LINGO2: variants seen among roughly 807,000 people sequenced by gnomAD.
LINGO2 encodes the protein leucine-rich repeat and immunoglobulin-like domain-containing nogo receptor-interacting protein 2.
LINGO2 carries 14 observed loss-of-function variants against 30.6 expected under a neutral mutation model. That is an observed-to-expected ratio of 0.46 (90% CI 0.30 to 0.72). LINGO2 has a LOEUF of 0.72. Among genes scored for constraint, LINGO2 ranks in the 30% least tolerant of loss-of-function variants. The probability of loss-of-function intolerance (pLI) is 0.07; values close to 1 mark genes in which losing one functional copy is unlikely to be tolerated. For synonymous variants in LINGO2, 317 were observed against 288.5 expected (o/e 1.10, Z -1.00); for missense variants, 729 against 751.7 (o/e 0.97, Z 0.35).
At chr9:28,850,883 T>C in the LINGO2 span, among the ~76,000 whole-genome samples, 2 of 152,120 alleles carry the variant, frequency 1.3e-5, no homozygotes, top group East Asian at 1.9e-4. Flanking sequence ...ACTTTGAACA[T>C]GTAGCATGTG....
In LINGO2 at chr9:28,147,038, T is replaced by C. The variant is rs1827834103; in HGVS notation, c.-86-134633A>G. 6.6e-6 allele frequency among the ~76,000 whole-genome samples: 1 copy of C among 152,214 alleles called. No homozygotes were observed. Among genetic ancestry groups the C allele is most frequent in the Non-Finnish European group, 1.5e-5 (1 of 68,044 alleles). On this transcript the variant is annotated intron_variant, in intron 4 of 5. Coordinates refer to ENST00000379992, the Ensembl canonical transcript of LINGO2. The surrounding 1 kb of genome is among the most constrained non-coding windows in gnomAD (Gnocchi z 4.7). ...ACTCCATTAGAAGAGCAATGTGGGATGGTGCTGTGCTGACAACTGGTAATT... is the reference window on the plus strand; with the variant it reads ...ACTCCATTAGAAGAGCAATGTGGGACGGTGCTGTGCTGACAACTGGTAATT...
chr9:28,812,512 T>C, the LINGO2 span, among the ~76,000 whole-genome samples: 1 of 152,298 alleles, frequency 6.6e-6, no homozygotes, highest in South Asian at 2.1e-4. Context: ...CAAATTCCTA[T>C]GCTTAATGGT....
chr9:28,730,462 AAATGTTTGTGG>A, the LINGO2 span, among the ~76,000 whole-genome samples: 1 of 152,224 alleles, frequency 6.6e-6, no homozygotes, highest in Admixed American at 6.5e-5. Context: ...ACTGTTAACT[AAATGTTTGTGG>A]AATGTTTGTT....
the LINGO2 span, among the ~76,000 whole-genome samples, chr9:28,699,433 A>G: frequency 2.0e-5 from 3 of 152,170 alleles, no homozygotes; most frequent in African/African-American, 7.2e-5. Flanking sequence ...TAATCCTGTT[A>G]TCTTTGTAAG....
the LINGO2 span, among the ~76,000 whole-genome samples, chr9:28,974,456 T>C: frequency 6.6e-6 from 1 of 152,056 alleles, no homozygotes; most frequent in African/African-American, 2.4e-5. Flanking sequence ...AGTTAAAATG[T>C]GTGGGCTGGA....
the LINGO2 span, among the ~76,000 whole-genome samples, chr9:28,763,051 C>A: frequency 6.6e-6 from 1 of 152,060 alleles, no homozygotes; most frequent in Non-Finnish European, 1.5e-5. Context: ...GTGAAAACAA[C>A]CGAAGTCAAA....
chr9:28,371,267 G>A (rs969806647), intron 3 of LINGO2, among the ~76,000 whole-genome samples: 2 of 152,138 alleles, frequency 1.3e-5, no homozygotes, highest in Admixed American at 6.5e-5. Context: ...CTTTTATAAC[G>A]AGAACACTAG....
intron 4 of LINGO2, among the ~76,000 whole-genome samples, chr9:28,275,961 C>G (rs1284946672): frequency 6.6e-6 from 1 of 152,024 alleles, no homozygotes; most frequent in Admixed American, 6.6e-5. Flanking sequence ...CTGGCTCAAC[C>G]CTTAATATGT....
intron 1 of LINGO2, among the ~76,000 whole-genome samples, chr9:28,644,426 A>G (rs1042240761): frequency 1.3e-5 from 2 of 152,078 alleles, no homozygotes; most frequent in African/African-American, 2.4e-5. Flanking sequence ...CTAGGCCCAA[A>G]AAGACAAACA....
the LINGO2 span, among the ~76,000 whole-genome samples, chr9:28,998,919 C>T: frequency 3.9e-5 from 6 of 152,132 alleles, no homozygotes; most frequent in East Asian, 3.9e-4. Flanking sequence ...CTTCCGCTTC[C>T]GTAATTTTAG....
chr9:28,066,932 G>C (rs1319426622), intron 4 of LINGO2, among the ~76,000 whole-genome samples: 1 of 151,996 alleles, frequency 6.6e-6, no homozygotes, highest in Non-Finnish European at 1.5e-5. Flanking sequence ...TGTGTGCCTA[G>C]TTACAGGCTA....
chr9:28,561,965 A>AT (rs1359752368), intron 1 of LINGO2, among the ~76,000 whole-genome samples: 5 of 151,450 alleles, frequency 3.3e-5, no homozygotes, highest in African/African-American at 1.2e-4. Context: ...CTGAACTTCT[A>AT]TTTTTTAAAC....
At chr9:28,364,213 T>G (rs1316296137) in intron 3 of LINGO2, among the ~76,000 whole-genome samples, 1 of 152,236 alleles carries the variant, frequency 6.6e-6, no homozygotes, top group Non-Finnish European at 1.5e-5. Flanking sequence ...GTTTGGTCTA[T>G]GAGTGCAAAG....
At position 28,147,850 on chromosome 9, in the gene LINGO2, G is replaced by A. The variant is rs1827860422; in HGVS notation, c.-86-135445C>T. On this transcript the variant is annotated intron_variant, in intron 4 of 5. Transcript: ENST00000379992. This position sits in a 1 kb window ranked among gnomAD's most constrained non-coding sequence, Gnocchi z 4.7. Reference sequence around the variant, plus strand: ...CTCCTAAGCACTCCTCCACACCCTGGCTCTGTCACCAGCCCCATAGTGATG... The same window carrying A: ...CTCCTAAGCACTCCTCCACACCCTGACTCTGTCACCAGCCCCATAGTGATG... Among the ~76,000 whole-genome samples, 3 of 152,056 alleles carry A rather than the reference G, an allele frequency of 2.0e-5. No individual in the cohort carries two copies. Among genetic ancestry groups the A allele is most frequent in the Admixed American group, 1.3e-4 (2 of 15,282 alleles).
At chr9:29,076,352 CA>C in the LINGO2 span, among the ~76,000 whole-genome samples, 2 of 151,780 alleles carry the variant, frequency 1.3e-5, no homozygotes, top group Non-Finnish European at 2.9e-5. Flanking sequence ...CTTTCTTCAG[CA>C]GCAAGCATTT....
the LINGO2 span, among the ~76,000 whole-genome samples, chr9:28,990,862 C>A: frequency 6.6e-6 from 1 of 152,102 alleles, no homozygotes. Flanking sequence ...CTGTACATCA[C>A]CATCATCACC....
chr9:28,325,812 T>C (rs1333363838), intron 3 of LINGO2, among the ~76,000 whole-genome samples: 2 of 152,088 alleles, frequency 1.3e-5, no homozygotes, highest in African/African-American at 4.8e-5. Flanking sequence ...TCTAATCACA[T>C]TGATTAAACT....
At chr9:28,395,827 G>A (rs978646508) in intron 2 of LINGO2, among the ~76,000 whole-genome samples, 10 of 152,134 alleles carry the variant, frequency 6.6e-5, no homozygotes, top group Non-Finnish European at 1.3e-4. Flanking sequence ...ACACTCCTCT[G>A]TCATGGATAC....
intron 1 of LINGO2, among the ~76,000 whole-genome samples, chr9:28,589,746 A>G (rs1824771762): frequency 6.6e-6 from 1 of 152,008 alleles, no homozygotes; most frequent in Non-Finnish European, 1.5e-5. Flanking sequence ...TTATAGATTC[A>G]ATGCCATCCC....
Sources: gnomAD v4.1 joint callset for allele counts (sites outside exome capture counted in the v4.1 genomes callset) on GRCh38, gnomAD v4.1.1 for gene constraint, Gnocchi (gnomAD v3.1) non-coding constraint, MANE v1.5 for transcripts, NCBI Gene and HGNC (gene_info 2026-07-23, HGNC 2026-07-21) for gene names.